The following CDH12 variants were observed in gnomAD, a reference collection of about 807,000 sequenced individuals.
The protein encoded by CDH12 is cadherin-12.
A neutral mutation model predicts 74.1 loss-of-function variants in CDH12; 41 were observed. The observed-to-expected ratio is 0.55, with a 90% CI of 0.43 to 0.72. The LOEUF (loss-of-function observed/expected upper bound fraction) is 0.72. CDH12 is among the 30% of genes least tolerant of loss of function. The pLI, the probability that CDH12 is intolerant of heterozygous loss-of-function variation, is 0.00. For missense variants in CDH12, 945 were observed against 977.2 expected, an observed-to-expected ratio of 0.97 and a Z score of 0.44; for synonymous variants, 399 against 355.0, an observed-to-expected ratio of 1.12 and a Z score of -1.39.
chr5:22,011,749 GA>G (rs1315698865), intron 5 of CDH12, among the ~76,000 whole-genome samples: 3 of 151,862 alleles, frequency 2.0e-5, no homozygotes, highest in Non-Finnish European at 4.4e-5. Flanking sequence ...AAGTCTTACT[GA>G]AAAAAGAACA....
At chr5:22,287,053 G>C (rs1279340248) in intron 3 of CDH12, among the ~76,000 whole-genome samples, 1 of 152,102 alleles carries the variant, frequency 6.6e-6, no homozygotes. Context: ...CCTTGAACTG[G>C]GCATTGAGAT....
chr5:22,728,050 G>A (rs1013416917), intron 1 of CDH12, among the ~76,000 whole-genome samples: 16 of 151,396 alleles, frequency 1.1e-4, no homozygotes, highest in Non-Finnish European at 2.4e-4. Flanking sequence ...TTATTATAAT[G>A]TGAGATTTCA....
chr5:22,839,530 C>T (rs1307479322), intron 1 of CDH12, among the ~76,000 whole-genome samples: 10 of 151,750 alleles, frequency 6.6e-5, no homozygotes, highest in African/African-American at 2.2e-4. Flanking sequence ...TAATTTTTTA[C>T]ATTTTTAGTA....
intron 5 of CDH12, among the ~76,000 whole-genome samples, chr5:22,040,368 C>G (rs1163650853): frequency 6.6e-6 from 1 of 151,926 alleles, no homozygotes; most frequent in Non-Finnish European, 1.5e-5. Context: ...TTGAAGAGGC[C>G]AAGATAAGGA....
intron 2 of CDH12, among the ~76,000 whole-genome samples, chr5:22,461,030 CTTTTT>C (rs34555692): frequency 3.1e-5 from 2 of 63,558 alleles, no homozygotes; most frequent in South Asian, 6.1e-4. Context: ...CAATGTCTAG[CTTTTT>C]TTTTTTTTTT....
At chr5:21,863,376 T>C (rs1480327988) in intron 6 of CDH12, among the ~76,000 whole-genome samples, 2 of 152,168 alleles carry the variant, frequency 1.3e-5, no homozygotes, top group East Asian at 3.9e-4. Context: ...CACTCCTCTA[T>C]AATCTCATCA....
rs1750589083 is a variant in CDH12 at position 21,853,569 on chromosome 5, T to TA, written c.646+1101_646+1102insT. On this transcript the variant is annotated intron_variant, in intron 7 of 14. Coordinates refer to ENST00000382254, the MANE Select transcript of CDH12 (RefSeq NM_004061.5). ...GTTTTGCAGATTTTGCACCTCAACT[T>TA]TTGTTAAGAAACATCAGTAGACCTT... is the stretch of plus-strand genomic sequence containing the variant. Among the ~76,000 whole-genome samples, 10 of 151,660 alleles carry TA rather than the reference T, an allele frequency of 6.6e-5. No homozygotes were observed. In the Admixed American group the frequency reaches 6.6e-4, roughly 10 times the overall value.
At chr5:22,519,424 CTT>C (rs373678915) in intron 1 of CDH12, among the ~76,000 whole-genome samples, 22,265 of 140,476 alleles carry the variant, frequency 0.16, 2,001 homozygotes, top group East Asian at 0.36. Context: ...TATCCACACT[CTT>C]TTTTTTTTTT....
In CDH12 at chr5:22,513,171, A is replaced by C. The variant is rs954425581; in HGVS notation, c.-522-7807T>G. ...TTGAAATTAGAAGACTGAGGAACTG[A>C]AGTGCATCTGTGGTGCACGGTACTT... On this transcript the variant is annotated intron_variant, in intron 1 of 14. Transcript: ENST00000382254. Among the ~76,000 whole-genome samples the C allele has an allele frequency of 3.9e-5, 6 of 152,218 alleles. No individual in the cohort carries two copies. The East Asian group carries it at 1.2e-3, about 29-fold the overall frequency.
In CDH12 at chr5:22,788,743, T is replaced by C. The variant is rs114808215; in HGVS notation, c.-523+64315A>G. Among the ~76,000 whole-genome samples the C allele has an allele frequency of 5.8e-3, 864 of 149,678 alleles. 8 individuals are homozygous for C. Among genetic ancestry groups the C allele is most frequent in the African/African-American group, 0.02 (811 of 40,974 alleles). On this transcript the variant is annotated intron_variant, in intron 1 of 14. Transcript: ENST00000382254. Reference sequence around the variant, plus strand: ...ATATATGTATAGTTATGTATTTATATAAAATATGTTATAATGTATATATTT... The same window carrying C: ...ATATATGTATAGTTATGTATTTATACAAAATATGTTATAATGTATATATTT...
intron 1 of CDH12, among the ~76,000 whole-genome samples, chr5:22,672,198 C>T (rs1740942363): frequency 7.1e-6 from 1 of 141,828 alleles, no homozygotes; most frequent in Admixed American, 7.2e-5. Context: ...AGTGCCATCT[C>T]TTTGTCTCCC....
chr5:22,646,045 C>A (rs1197684803), intron 1 of CDH12, among the ~76,000 whole-genome samples: 3 of 151,490 alleles, frequency 2.0e-5, no homozygotes, highest in African/African-American at 7.3e-5. Flanking sequence ...CTGAAATATG[C>A]CTATGAATCC....
intron 1 of CDH12, among the ~76,000 whole-genome samples, chr5:22,764,736 G>A (rs901331170): frequency 2.0e-5 from 3 of 151,930 alleles, no homozygotes; most frequent in African/African-American, 7.2e-5. Context: ...TCACTTCCGC[G>A]GCATTCCTGC....
At chr5:22,202,465 A>C (rs1217112321) in intron 4 of CDH12, among the ~76,000 whole-genome samples, 1 of 152,172 alleles carries the variant, frequency 6.6e-6, no homozygotes, top group Non-Finnish European at 1.5e-5. Context: ...AAAGGGTCAG[A>C]GTTTTTGCCA....
chr5:22,473,558 G>A (rs1309453492), intron 2 of CDH12, among the ~76,000 whole-genome samples: 1 of 152,054 alleles, frequency 6.6e-6, no homozygotes, highest in Non-Finnish European at 1.5e-5. Flanking sequence ...TGATATAGAA[G>A]TAATGTTATT....
intron 1 of CDH12, among the ~76,000 whole-genome samples, chr5:22,686,808 C>G (rs928864648): frequency 3.9e-5 from 6 of 152,192 alleles, no homozygotes; most frequent in Non-Finnish European, 7.3e-5. Flanking sequence ...TAGCTCTTAA[C>G]AGATCTCTAC....
At chr5:22,579,452 A>G (rs955682683) in intron 1 of CDH12, among the ~76,000 whole-genome samples, 1 of 152,144 alleles carries the variant, frequency 6.6e-6, no homozygotes, top group Non-Finnish European at 1.5e-5. Context: ...ACTAATGTGT[A>G]TTATGATGAA....
chr5:22,009,622 G>A (rs988609147), intron 5 of CDH12, among the ~76,000 whole-genome samples: 7 of 152,106 alleles, frequency 4.6e-5, no homozygotes, highest in Admixed American at 2.6e-4. Context: ...CAACTGTGCA[G>A]TAAAAATAAA....
chr5:22,024,166 C>G, intron 5 of CDH12, among the ~76,000 whole-genome samples: 1 of 152,272 alleles, frequency 6.6e-6, no homozygotes, highest in Middle Eastern at 3.4e-3. Context: ...ATCTTTAAAA[C>G]TACATGATAC....
Sources: gnomAD v4.1 joint callset for allele counts (sites outside exome capture counted in the v4.1 genomes callset) on GRCh38, gnomAD v4.1.1 for gene constraint, MANE v1.5 for transcripts, NCBI Gene and HGNC (gene_info 2026-07-23, HGNC 2026-07-21) for gene names.